Variants in TXNRD1 observed in about 807,000 individuals in gnomAD.
TXNRD1 encodes the protein thioredoxin reductase 1, cytoplasmic.
TXNRD1 carries 57 observed loss-of-function variants against 80.3 expected under a neutral mutation model. The observed-to-expected ratio is 0.71, with a 90% CI of 0.57 to 0.89. TXNRD1 has a LOEUF of 0.89. Among genes scored for constraint, TXNRD1 ranks in the 40% least tolerant of loss-of-function variants. The probability of loss-of-function intolerance (pLI) is 0.00; values close to 1 mark genes in which losing one functional copy is unlikely to be tolerated. For synonymous variants in TXNRD1, 291 were observed against 285.2 expected (o/e 1.02, Z -0.20); for missense variants, 730 against 803.0 (o/e 0.91, Z 1.10).
chr12:104,223,511 G>A (rs889311759), intron 1 of TXNRD1, among the ~76,000 whole-genome samples: 4 of 152,214 alleles, frequency 2.6e-5, no homozygotes, highest in Non-Finnish European at 5.9e-5. Context: ...CCACTCCCAA[G>A]TCAAGTTTGT....
At chr12:104,260,127 A>T (rs1233711688) in intron 3 of TXNRD1, among the ~76,000 whole-genome samples, 1 of 152,164 alleles carries the variant, frequency 6.6e-6, no homozygotes, top group Non-Finnish European at 1.5e-5. Flanking sequence ...TGAGGTCAGG[A>T]GTTCAAGACC....
At chr12:104,338,055 C>T (rs1199473985) in intron 15 of TXNRD1, among the ~76,000 whole-genome samples, 1 of 150,670 alleles carries the variant, frequency 6.6e-6, no homozygotes, top group Non-Finnish European at 1.5e-5. Context: ...CTCAGCCTCC[C>T]AAAGTGCTGG....
At chr12:104,251,791 C>T (rs367941122) in intron 2 of TXNRD1, 113 bp downstream of exon 2, 42 of 1,237,800 alleles carry the variant, frequency 3.4e-5, no homozygotes, top group East Asian at 4.8e-5. Flanking sequence ...GTAGGCTGGG[C>T]GCGGTGGCTC....
chr12:104,305,150 A>G (rs181598552), intron 4 of TXNRD1: 10 of 477,600 alleles, frequency 2.1e-5, no homozygotes, highest in African/African-American at 1.8e-4. Flanking sequence ...ATTTATGGGA[A>G]CGTTTTATTG....
intron 13 of TXNRD1, among the ~76,000 whole-genome samples, chr12:104,331,271 G>A (rs1452288094): frequency 1.3e-5 from 2 of 152,120 alleles, no homozygotes; most frequent in Non-Finnish European, 2.9e-5. Flanking sequence ...GATAACATCA[G>A]TTGGTTGATG....
At chr12:104,316,660 A>G (rs1263078552) in intron 7 of TXNRD1, among the ~76,000 whole-genome samples, 2 of 152,198 alleles carry the variant, frequency 1.3e-5, no homozygotes, top group Admixed American at 1.3e-4. Context: ...AAGTGCTGGG[A>G]TTACAGGTGT....
chr12:104,248,039 G>A (rs1014586912), intron 1 of TXNRD1, among the ~76,000 whole-genome samples: 1 of 152,168 alleles, frequency 6.6e-6, no homozygotes, highest in African/African-American at 2.4e-5. Context: ...CACGAGGAAT[G>A]TTTACTTATA....
chr12:104,343,362 G>T (rs1011951843), intron 16 of TXNRD1, among the ~76,000 whole-genome samples: 1 of 152,152 alleles, frequency 6.6e-6, no homozygotes, highest in Admixed American at 6.5e-5. Context: ...ATTTGGCATA[G>T]AATTTAAAAA....
intron 13 of TXNRD1, among the ~76,000 whole-genome samples, chr12:104,330,497 T>TC (rs974489428): frequency 2.0e-5 from 3 of 152,220 alleles, no homozygotes; most frequent in African/African-American, 7.2e-5. Flanking sequence ...AACCTTTTTT[T>TC]CCCCATGGTC....
intron 4 of TXNRD1, chr12:104,304,309 G>T (rs1225633883): frequency 6.2e-7 from 1 of 1,613,918 alleles, no homozygotes; most frequent in East Asian, 2.2e-5. Flanking sequence ...TTCTGTTTCT[G>T]TTCGTGGGTC....
chr12:104,342,055 C>T (rs2036343871), intron 16 of TXNRD1, among the ~76,000 whole-genome samples: 1 of 152,126 alleles, frequency 6.6e-6, no homozygotes, highest in Non-Finnish European at 1.5e-5. Flanking sequence ...ATCTTCCCAG[C>T]ACCTTGATAT....
chr12:104,257,966 G>A, intron 2 of TXNRD1, 53 bp from the exon 3 acceptor site: 1 of 1,357,946 alleles, frequency 7.4e-7, no homozygotes, highest in Non-Finnish European at 1.0e-6. Context: ...AGATTCTCTT[G>A]TTGGTTATAA....
chr12:104,303,886 C>A, intron 4 of TXNRD1: 2 of 1,523,122 alleles, frequency 1.3e-6, no homozygotes, highest in Non-Finnish European at 1.8e-6. Flanking sequence ...TCGTGATCAT[C>A]CCCGGTAGCG....
chr12:104,275,154 T>A (rs1355918263), intron 3 of TXNRD1, among the ~76,000 whole-genome samples: 1 of 151,750 alleles, frequency 6.6e-6, no homozygotes, highest in Admixed American at 6.6e-5. Context: ...GGCGCATGCC[T>A]GTAATCCCAG....
intron 1 of TXNRD1, among the ~76,000 whole-genome samples, chr12:104,234,757 C>A (rs1435688404): frequency 6.6e-6 from 1 of 151,318 alleles, no homozygotes; most frequent in Non-Finnish European, 1.5e-5. Flanking sequence ...GGCAGCTCTG[C>A]AAGCAGAAGA....
chr12:104,336,562 TA>T (rs995460589), intron 15 of TXNRD1, among the ~76,000 whole-genome samples: 8 of 152,236 alleles, frequency 5.3e-5, no homozygotes, highest in Admixed American at 2.6e-4. Flanking sequence ...TCTGCTATTT[TA>T]TTTTTTTTTA....
chr12:104,235,506 A>C (rs1359029623), intron 1 of TXNRD1, among the ~76,000 whole-genome samples: 1 of 152,218 alleles, frequency 6.6e-6, no homozygotes, highest in Admixed American at 6.5e-5. Flanking sequence ...CTGATATGAC[A>C]TCAAGAGGGT....
At chr12:104,315,046 A>G (rs556289366) in intron 6 of TXNRD1, among the ~76,000 whole-genome samples, 1 of 152,256 alleles carries the variant, frequency 6.6e-6, no homozygotes, top group South Asian at 2.1e-4. Flanking sequence ...CCCAGCCAAT[A>G]TACACCAAAT....
At chr12:104,300,940 C>A (rs187095150) in intron 4 of TXNRD1, among the ~76,000 whole-genome samples, 1 of 152,346 alleles carries the variant, frequency 6.6e-6, no homozygotes, top group East Asian at 1.9e-4. Flanking sequence ...GCCACCGCAC[C>A]TGGCCTAAAG....
Sources: allele counts gnomAD v4.1 joint callset (sites outside exome capture counted in the v4.1 genomes callset), GRCh38; gene constraint gnomAD v4.1.1; transcripts MANE v1.5; gene names NCBI Gene and HGNC (gene_info 2026-07-23, HGNC 2026-07-21).